KCNIP4: variants seen among roughly 807,000 people sequenced by gnomAD.
KCNIP4 encodes the protein Kv channel-interacting protein 4.
KCNIP4 carries 12 observed loss-of-function variants against 34.0 expected under a neutral mutation model. The ratio of observed to expected loss-of-function variants is 0.35; its 90% CI spans 0.23 to 0.57. KCNIP4 has a LOEUF of 0.57. Ranked by LOEUF, KCNIP4 falls within the 20% of genes least tolerant of loss-of-function variation. The pLI, the probability that KCNIP4 is intolerant of heterozygous loss-of-function variation, is 0.83. For missense variants in KCNIP4, 238 were observed against 311.7 expected, an observed-to-expected ratio of 0.76 and a Z score of 1.78; for synonymous variants, 124 against 102.2, an observed-to-expected ratio of 1.21 and a Z score of -1.29.
chr4:20,937,025 C>T (rs560348308), intron 1 of KCNIP4, among the ~76,000 whole-genome samples: 2 of 152,032 alleles, frequency 1.3e-5, no homozygotes, highest in South Asian at 4.2e-4. Flanking sequence ...GTTCTACTCT[C>T]CAGTACAGGT....
chr4:20,960,789 G>A (rs1577439946), intron 1 of KCNIP4, among the ~76,000 whole-genome samples: 1 of 152,304 alleles, frequency 6.6e-6, no homozygotes, highest in Admixed American at 6.5e-5. Flanking sequence ...AACAAAATCA[G>A]TCTATTAGAA....
At chr4:21,011,467 C>A (rs1739061034) in intron 1 of KCNIP4, among the ~76,000 whole-genome samples, 1 of 152,126 alleles carries the variant, frequency 6.6e-6, no homozygotes. Flanking sequence ...TTATTTCCAG[C>A]CAACTTTGGA....
At chr4:21,025,543 GTTTTTTT>G (rs772689134) in intron 1 of KCNIP4, among the ~76,000 whole-genome samples, 4 of 34,778 alleles carry the variant, frequency 1.2e-4, no homozygotes, top group African/African-American at 3.0e-4. Flanking sequence ...CATTGATACT[GTTTTTTT>G]TTTTTTTTTT....
rs1282648829 is a variant in KCNIP4, at chr4:21,075,046, C to T, written c.62-192337G>A. On this transcript the variant is annotated intron_variant, in intron 1 of 8. Transcript: ENST00000382152. ...GTTCTTTTACATTTGCTGAGGAGAG[C>T]TTTACTTCCAACTATGTGGTCAATT... 1.1e-4 allele frequency among the ~76,000 whole-genome samples: 17 copies of T among 152,234 alleles called. No individual in the cohort carries two copies. The East Asian group carries it at 2.9e-3, about 26-fold the overall frequency.
chr4:21,697,340 A>AAAAAAG, intron 1 of KCNIP4: 1 of 1,449,966 alleles, frequency 6.9e-7, no homozygotes, highest in African/African-American at 1.5e-5. Context: ...AAAAAAAAAA[A>AAAAAAG]AGTCATTACC....
intron 1 of KCNIP4, among the ~76,000 whole-genome samples, chr4:21,881,315 GC>G (rs1283462336): frequency 1.3e-5 from 2 of 152,140 alleles, no homozygotes; most frequent in African/African-American, 4.8e-5. Context: ...ATGTAGAGAA[GC>G]CAGCTTTTCT....
At chr4:21,430,951 T>G (rs973328804) in intron 1 of KCNIP4, among the ~76,000 whole-genome samples, 1 of 151,178 alleles carries the variant, frequency 6.6e-6, no homozygotes, top group Non-Finnish European at 1.5e-5. Flanking sequence ...TGATTTAAGG[T>G]TTTATTTACA....
intron 1 of KCNIP4, among the ~76,000 whole-genome samples, chr4:21,235,559 C>G (rs151198523): frequency 3.4e-4 from 52 of 152,314 alleles, no homozygotes; most frequent in African/African-American, 1.2e-3. Context: ...GAGATGCCAA[C>G]TTGACTGGCT....
At chr4:21,556,352 T>C (rs1032756213) in intron 1 of KCNIP4, among the ~76,000 whole-genome samples, 6 of 152,164 alleles carry the variant, frequency 3.9e-5, no homozygotes, top group African/African-American at 1.2e-4. Flanking sequence ...CAATCCATTC[T>C]AGAGGAGTTA....
At chr4:21,487,817 C>G (rs1199535012) in intron 1 of KCNIP4, among the ~76,000 whole-genome samples, 1 of 152,180 alleles carries the variant, frequency 6.6e-6, no homozygotes, top group East Asian at 1.9e-4. Flanking sequence ...AGCTCGTTCA[C>G]TTGGCTCCTC....
chr4:21,695,408 G>C (rs1256321654), intron 1 of KCNIP4, among the ~76,000 whole-genome samples: 1 of 150,722 alleles, frequency 6.6e-6, no homozygotes, highest in Non-Finnish European at 1.5e-5. Flanking sequence ...TGTTCTCAAA[G>C]TTCAAAGATG....
intron 1 of KCNIP4, among the ~76,000 whole-genome samples, chr4:21,766,988 G>A (rs1387580666): frequency 6.6e-6 from 1 of 152,136 alleles, no homozygotes; most frequent in African/African-American, 2.4e-5. Flanking sequence ...AGGAAACAAT[G>A]ATTTGAGATC....
intron 1 of KCNIP4, among the ~76,000 whole-genome samples, chr4:21,215,662 T>G (rs909331189): frequency 6.6e-6 from 1 of 152,134 alleles, no homozygotes; most frequent in African/African-American, 2.4e-5. Context: ...TCTTACAGGA[T>G]AGGTACTAGG....
intron 1 of KCNIP4, among the ~76,000 whole-genome samples, chr4:21,712,588 G>T (rs1022437798): frequency 6.6e-6 from 1 of 151,824 alleles, no homozygotes; most frequent in Non-Finnish European, 1.5e-5. Context: ...CACCTCTCTT[G>T]TGTCTCCTTC....
intron 1 of KCNIP4, among the ~76,000 whole-genome samples, chr4:21,872,072 T>C (rs908786451): frequency 6.6e-6 from 1 of 152,050 alleles, no homozygotes; most frequent in African/African-American, 2.4e-5. Context: ...CCCTGGTAGA[T>C]AGAACAGAGA....
intron 1 of KCNIP4, among the ~76,000 whole-genome samples, chr4:21,343,837 A>G (rs1316109029): frequency 6.6e-6 from 1 of 152,182 alleles, no homozygotes; most frequent in Non-Finnish European, 1.5e-5. Flanking sequence ...CCTATGTGCC[A>G]GTTATAGTTC....
chr4:20,948,480 A>G (rs1297325330), intron 1 of KCNIP4, among the ~76,000 whole-genome samples: 1 of 152,126 alleles, frequency 6.6e-6, no homozygotes, highest in East Asian at 1.9e-4. Context: ...CCGGGAGAGG[A>G]GAGATATTAC....
intron 1 of KCNIP4, among the ~76,000 whole-genome samples, chr4:21,519,448 G>GTA (rs71191516): frequency 0.028 from 2,053 of 73,362 alleles, 303 homozygotes; most frequent in African/African-American, 0.053. Context: ...ATATGTATGT[G>GTA]TATATACACA....
At chr4:20,830,185 G>A (rs542177283) in intron 3 of KCNIP4, among the ~76,000 whole-genome samples, 1 of 152,148 alleles carries the variant, frequency 6.6e-6, no homozygotes, top group African/African-American at 2.4e-5. Context: ...AGCAGCATCA[G>A]GATATTTACT....
Sources: gnomAD v4.1 joint callset for allele counts (sites outside exome capture counted in the v4.1 genomes callset) on GRCh38, gnomAD v4.1.1 for gene constraint, MANE v1.5 for transcripts, NCBI Gene and HGNC (gene_info 2026-07-23, HGNC 2026-07-21) for gene names.